ATP8A2: variants seen among roughly 807,000 people sequenced by gnomAD.
ATP8A2 encodes phospholipid-transporting ATPase IB.
A neutral mutation model predicts 165.6 loss-of-function variants in ATP8A2; 100 were observed. That is an observed-to-expected ratio of 0.60 (90% CI 0.51 to 0.71). The LOEUF (loss-of-function observed/expected upper bound fraction) is 0.71. ATP8A2 is among the 30% of genes least tolerant of loss of function. ATP8A2 has a pLI of 0.00. For missense variants in ATP8A2, 1,227 were observed against 1,479.5 expected, an observed-to-expected ratio of 0.83 and a Z score of 2.80; for synonymous variants, 543 against 548.8, an observed-to-expected ratio of 0.99 and a Z score of 0.15.
At chr13:25,903,009 A>G (rs545944088) in intron 33 of ATP8A2, among the ~76,000 whole-genome samples, 1 of 150,240 alleles carries the variant, frequency 6.7e-6, no homozygotes, top group Non-Finnish European at 1.5e-5. Flanking sequence ...CACAAAGTAG[A>G]TAAAAACTCC....
At chr13:25,586,326 G>A (rs2039919994) in intron 23 of ATP8A2, among the ~76,000 whole-genome samples, 1 of 152,162 alleles carries the variant, frequency 6.6e-6, no homozygotes, top group Admixed American at 6.5e-5. Flanking sequence ...AAACAAAAAT[G>A]ACTGAGAATA....
At chr13:25,373,428 G>A (rs529877361) in intron 1 of ATP8A2, among the ~76,000 whole-genome samples, 10 of 152,108 alleles carry the variant, frequency 6.6e-5, no homozygotes, top group Non-Finnish European at 2.9e-5. Flanking sequence ...AGCCTGAAGG[G>A]GTCACGGGGT....
chr13:25,966,805 G>A (rs544471855), intron 34 of ATP8A2, among the ~76,000 whole-genome samples: 1 of 152,332 alleles, frequency 6.6e-6, no homozygotes, highest in South Asian at 2.1e-4. Flanking sequence ...TAGGTTCCCA[G>A]TGGCCAACCT....
intron 33 of ATP8A2, among the ~76,000 whole-genome samples, chr13:25,924,201 T>G (rs371803378): frequency 6.6e-6 from 1 of 152,218 alleles, no homozygotes; most frequent in African/African-American, 2.4e-5. Context: ...GTCACAGACC[T>G]GACCTCCTGT....
chr13:25,507,336 G>A (rs2037081219), intron 2 of ATP8A2, among the ~76,000 whole-genome samples: 1 of 150,712 alleles, frequency 6.6e-6, no homozygotes, highest in African/African-American at 2.4e-5. Context: ...TGCGATCTTG[G>A]CTCACTGCAG....
chr13:25,755,225 G>C (rs2044235892), intron 25 of ATP8A2, among the ~76,000 whole-genome samples: 1 of 152,260 alleles, frequency 6.6e-6, no homozygotes, highest in Middle Eastern at 3.4e-3. Flanking sequence ...ACAAATGATG[G>C]TACTATCACA....
chr13:25,434,411 T>A (rs2138165012), intron 1 of ATP8A2, among the ~76,000 whole-genome samples: 1 of 152,108 alleles, frequency 6.6e-6, no homozygotes, highest in Non-Finnish European at 1.5e-5. Flanking sequence ...TGCAAAGGCG[T>A]TATCTTGGCT....
At chr13:26,008,484 T>C (rs1267747325) in intron 35 of ATP8A2, among the ~76,000 whole-genome samples, 1 of 152,076 alleles carries the variant, frequency 6.6e-6, no homozygotes, top group Non-Finnish European at 1.5e-5. Flanking sequence ...AATATGGAGA[T>C]ACTGTAGATA....
At chr13:26,002,993 T>C (rs1405794598) in intron 35 of ATP8A2, among the ~76,000 whole-genome samples, 1 of 151,740 alleles carries the variant, frequency 6.6e-6, no homozygotes, top group Non-Finnish European at 1.5e-5. Flanking sequence ...AACAGAGGAG[T>C]GCAGATATCC....
At chr13:25,496,153 A>G (rs1226348229) in intron 2 of ATP8A2, among the ~76,000 whole-genome samples, 1 of 152,084 alleles carries the variant, frequency 6.6e-6, no homozygotes, top group Non-Finnish European at 1.5e-5. Flanking sequence ...TACCAAGTTT[A>G]ATTGTAGGAA....
At chr13:25,986,644 G>T (rs1956284651) in intron 35 of ATP8A2, among the ~76,000 whole-genome samples, 1 of 152,164 alleles carries the variant, frequency 6.6e-6, no homozygotes, top group Non-Finnish European at 1.5e-5. Context: ...CTTGGTTATT[G>T]TAAATAATGC....
At chr13:25,709,662 T>A (rs1395943829) in intron 25 of ATP8A2, among the ~76,000 whole-genome samples, 1 of 152,200 alleles carries the variant, frequency 6.6e-6, no homozygotes, top group Admixed American at 6.5e-5. Context: ...TTATCAAATA[T>A]GGGAACAAGT....
intron 1 of ATP8A2, among the ~76,000 whole-genome samples, chr13:25,384,284 G>C (rs1424779093): frequency 6.6e-6 from 1 of 152,160 alleles, no homozygotes; most frequent in Admixed American, 6.5e-5. Flanking sequence ...TCAATACGAT[G>C]GTTTAAGTAT....
At chr13:25,797,114 A>G (rs554167807) in intron 27 of ATP8A2, among the ~76,000 whole-genome samples, 202 of 152,200 alleles carry the variant, frequency 1.3e-3, no homozygotes, top group South Asian at 3.7e-3. Context: ...CTAAAAATAC[A>G]AAAATTAGCT....
chr13:25,483,405 A>G (rs1421916914), intron 2 of ATP8A2, among the ~76,000 whole-genome samples: 1 of 152,176 alleles, frequency 6.6e-6, no homozygotes, highest in Non-Finnish European at 1.5e-5. Flanking sequence ...GGGAGCAGAG[A>G]TACACATGTA....
At chr13:25,823,409 C>T (rs1593403131) in intron 27 of ATP8A2, among the ~76,000 whole-genome samples, 1 of 151,612 alleles carries the variant, frequency 6.6e-6, no homozygotes, top group African/African-American at 2.4e-5. Flanking sequence ...ATCTTTTTAC[C>T]CACCTGAGCT....
At chr13:25,857,474 A>G (rs915392206) in intron 30 of ATP8A2, among the ~76,000 whole-genome samples, 2 of 151,574 alleles carry the variant, frequency 1.3e-5, no homozygotes, top group Non-Finnish European at 1.5e-5. Context: ...TCCGGAGCTC[A>G]AGCAATCCTC....
At chr13:25,738,589 G>A (rs1346993450) in intron 25 of ATP8A2, among the ~76,000 whole-genome samples, 1 of 152,208 alleles carries the variant, frequency 6.6e-6, no homozygotes, top group Non-Finnish European at 1.5e-5. Context: ...TGGGCCTGGA[G>A]GGCCCCACCA....
intron 33 of ATP8A2, among the ~76,000 whole-genome samples, chr13:25,925,751 G>C (rs9511979): frequency 6.7e-6 from 1 of 149,428 alleles, no homozygotes; most frequent in African/African-American, 2.5e-5. Context: ...TTTTTGAGAC[G>C]GAGTTTGCTC....
Sources: gnomAD v4.1 joint callset for allele counts (sites outside exome capture counted in the v4.1 genomes callset) on GRCh38, gnomAD v4.1.1 for gene constraint, MANE v1.5 for transcripts, NCBI Gene and HGNC (gene_info 2026-07-23, HGNC 2026-07-21) for gene names.